The following CYP26B1 variants were observed in gnomAD, a reference collection of about 807,000 sequenced individuals.
CYP26B1 encodes cytochrome P450 26B1.
Under a neutral mutation model 39.1 loss-of-function variants are expected in CYP26B1, and 8 were observed. The observed-to-expected ratio is 0.20, with a 90% confidence interval of 0.12 to 0.37. CYP26B1 has a LOEUF of 0.37. Among genes scored for constraint, CYP26B1 ranks in the 10% least tolerant of loss-of-function variants. The probability of loss-of-function intolerance (pLI) is 1.00; values close to 1 mark genes in which losing one functional copy is unlikely to be tolerated. For missense variants in CYP26B1, 615 were observed against 707.0 expected, an observed-to-expected ratio of 0.87 and a Z score of 1.48; for synonymous variants, 321 against 314.3, an observed-to-expected ratio of 1.02 and a Z score of -0.23.
rs115973980 is a variant in CYP26B1 at position 72,129,706 on chromosome 2, C to T, written c.*2521G>A. ...GAACACAAACGCCAGCGCCCAACATCGAAAGTGCTTCAATCTGCAAGCCCG... is the reference window on the plus strand; with the variant it reads ...GAACACAAACGCCAGCGCCCAACATTGAAAGTGCTTCAATCTGCAAGCCCG... On this transcript the variant is annotated 3_prime_UTR_variant, in exon 6 of 6. Transcript: ENST00000001146. 54 of 152,430 alleles carry T rather than the reference C, an allele frequency of 3.5e-4. No individual in the cohort carries two copies. The highest frequency in any genetic ancestry group is 1.2e-3 in the African/African-American group (50 of 41,482). 9.4% of individuals were successfully genotyped at this position (152,430 alleles called of 1,614,324 possible).
At position 72,144,154 on chromosome 2, in the gene CYP26B1, C is replaced by A; in HGVS notation, c.264G>T (p.Leu88Phe). ...EKYGNVFKTH[L>F]LGRPLIRVTG... ...TCACGCGTATCAGCGGCCGCCCCAA[C>A]AAATGCGTCTTGAACACGTTGCCAT... Residue 88 changes from leucine to phenylalanine, a missense_variant, in exon 2 of 6, where the codon TTG (leucine) becomes TTT (phenylalanine). Physicochemically the swap from Leu to Phe is conservative, Grantham distance 22. Coordinates refer to ENST00000001146, the MANE Select transcript of CYP26B1 (RefSeq NM_019885.4). 1 of 1,611,292 alleles carries A rather than the reference C, an allele frequency of 6.2e-7. No homozygotes were observed. Among genetic ancestry groups the A allele is most frequent in the Non-Finnish European group, 8.5e-7 (1 of 1,177,698 alleles).
intron 1 of CYP26B1, among the ~76,000 whole-genome samples, chr2:72,146,909 G>A (rs1352350372): frequency 5.3e-5 from 8 of 152,114 alleles, no homozygotes; most frequent in Non-Finnish European, 1.2e-4. Flanking sequence ...CATCTAACAA[G>A]CACACACGCA....
chr2:72,135,019 C>T, intron 3 of CYP26B1, 103 bp from the exon 4 acceptor site: 3 of 1,600,024 alleles, frequency 1.9e-6, no homozygotes, highest in Non-Finnish European at 2.5e-6. Flanking sequence ...ACGCTGACAC[C>T]TCTCCCCTTT....
At position 72,144,136 on chromosome 2, in the gene CYP26B1, T is replaced by C. The variant is rs1677044569; in HGVS notation, c.282A>G (p.Ile94Met). The C allele has an allele frequency of 6.2e-7, 1 of 1,611,104 alleles. No homozygotes were observed. ...GCACGTTCTCCGCGCCGGTCACGCG[T>C]ATCAGCGGCCGCCCCAACAAATGCG... ...FKTHLLGRPL[I>M]RVTGAENVRK... Residue 94 changes from isoleucine (I) to methionine (M), a missense_variant, in exon 2 of 6, where the codon ATA becomes ATG. By Grantham distance (10) the Ile-to-Met change is conservative. Transcript: ENST00000001146.
chr2:72,132,865 G>A (rs1026105256), intron 5 of CYP26B1, among the ~76,000 whole-genome samples, 158 bp downstream of exon 5: 1 of 152,236 alleles, frequency 6.6e-6, no homozygotes, highest in Admixed American at 6.5e-5. Context: ...TGATGCATTT[G>A]GGGCGCACTT....
Position 72,129,373 on chromosome 2 carries a change from A to G in CYP26B1, c.*2854T>C, listed in dbSNP as rs1676483592. On this transcript the variant is annotated 3_prime_UTR_variant, in exon 6 of 6. Transcript: ENST00000001146. ...ATACAGATTAAAACCACGACAGCAA[A>G]AACACTCACACGGTACCAGTTTCAT... The G allele has an allele frequency of 6.6e-6, 1 of 152,640 alleles. No homozygotes were observed. The highest frequency in any genetic ancestry group is 1.5e-5 in the Non-Finnish European group (1 of 68,040). The allele number at this position is 152,640 out of a possible 1,614,324, so 9.5% of individuals were successfully genotyped here. A position where few individuals can be genotyped will look rare whatever the true frequency, so the allele number is the denominator to read the frequency against.
intron 2 of CYP26B1, 113 bp from the exon 3 acceptor site, chr2:72,135,532 A>G (rs1676746251): frequency 6.8e-6 from 10 of 1,473,690 alleles, no homozygotes; most frequent in Non-Finnish European, 9.3e-6. Context: ...CTTCCACACA[A>G]CAGCAAAGCC....
Position 72,132,272 on chromosome 2 carries a change from G to T in CYP26B1, c.1494C>A (p.Asn498Lys), listed in dbSNP as rs140097862. The T allele has an allele frequency of 3.7e-6, 6 of 1,604,984 alleles. No homozygotes were observed. Among genetic ancestry groups the T allele is most frequent in the Non-Finnish European group, 8.5e-7 (1 of 1,176,208 alleles). Residue 498 changes from asparagine to lysine, a missense_variant, in exon 6 of 6, where the codon AAC becomes AAA. Coordinates refer to ENST00000001146, the MANE Select transcript of CYP26B1 (RefSeq NM_019885.4). The stretch of plus-strand genomic sequence containing the variant: ...TGGCCTCCGTCTCCGGCAGGATCTC[G>T]TTCTGGTTGGAGTCCAGGCCAAAGA... ...VKFFGLDSNQNEILPETEAML... is the reference protein window; with the variant it reads ...VKFFGLDSNQKEILPETEAML...
chr2:72,133,852 C>G (rs534939707), intron 4 of CYP26B1, among the ~76,000 whole-genome samples: 8 of 152,230 alleles, frequency 5.3e-5, no homozygotes, highest in African/African-American at 1.2e-4. Flanking sequence ...TGGGATGAGG[C>G]TGAGGGAAGG....
chr2:72,142,415 G>A (rs1572929278), intron 2 of CYP26B1, among the ~76,000 whole-genome samples: 1 of 152,224 alleles, frequency 6.6e-6, no homozygotes, highest in Non-Finnish European at 1.5e-5. Context: ...GGGGCCCAGA[G>A]ACTATTCCCA....
chr2:72,136,494 G>A (rs775507315), intron 2 of CYP26B1, among the ~76,000 whole-genome samples: 1 of 152,246 alleles, frequency 6.6e-6, no homozygotes, highest in Non-Finnish European at 1.5e-5. Flanking sequence ...GCCCTTCAGT[G>A]GCCCAGCCAG....
intron 2 of CYP26B1, among the ~76,000 whole-genome samples, chr2:72,136,174 G>A (rs897865909): frequency 7.9e-5 from 12 of 152,104 alleles, no homozygotes; most frequent in African/African-American, 2.4e-4. Context: ...AAAAGCCTGT[G>A]GGTCTCGCTC....
intron 2 of CYP26B1, among the ~76,000 whole-genome samples, chr2:72,136,113 C>T (rs1043346749): frequency 2.6e-5 from 4 of 152,200 alleles, no homozygotes; most frequent in African/African-American, 4.8e-5. Flanking sequence ...AGGACTCCCC[C>T]GCACAGGTTT....
At chr2:72,144,393 G>C (rs1319971035) in intron 1 of CYP26B1, 180 bp from the exon 2 acceptor site, 1 of 1,418,670 alleles carries the variant, frequency 7.0e-7, no homozygotes, top group Non-Finnish European at 9.2e-7. Flanking sequence ...GCGAAGTAGG[G>C]CCTAGAGGAT....
rs1000665068 is a variant in CYP26B1, at chr2:72,145,710, C to A, written c.205-1497G>T. On this transcript the variant is annotated intron_variant, in intron 1 of 5. Transcript: ENST00000001146. ...GAGGTCGCCGCCGCCTCGCCCCCAC[C>A]CCCCGCCTCTGATCTGCCTAACTAT... 2.6e-5 allele frequency among the ~76,000 whole-genome samples: 4 copies of A among 152,202 alleles called. No homozygotes were observed. The East Asian group carries it at 7.7e-4, about 29-fold the overall frequency.
At chr2:72,140,037 C>A (rs1407816946) in intron 2 of CYP26B1, among the ~76,000 whole-genome samples, 1 of 152,216 alleles carries the variant, frequency 6.6e-6, no homozygotes, top group Non-Finnish European at 1.5e-5. Flanking sequence ...GATACAGCAG[C>A]CAGCATGGGG....
chr2:72,139,469 C>T (rs1160356203), intron 2 of CYP26B1, among the ~76,000 whole-genome samples: 4 of 152,144 alleles, frequency 2.6e-5, no homozygotes, highest in Non-Finnish European at 5.9e-5. Flanking sequence ...ACACTCAGCC[C>T]CTCTGGTTGC....
chr2:72,144,378 GA>G, intron 1 of CYP26B1, 165 bp from the exon 2 acceptor site: 1 of 1,435,334 alleles, frequency 7.0e-7, no homozygotes, highest in Non-Finnish European at 9.1e-7. Context: ...GCGTGCACAA[GA>G]ACTGCGAAGT....
At position 72,134,858 on chromosome 2, in the gene CYP26B1, A is replaced by G; in HGVS notation, c.764T>C (p.Leu255Pro). 6.2e-7 allele frequency: 1 copy of G among 1,614,156 alleles called. No individual in the cohort carries two copies. Among genetic ancestry groups the G allele is most frequent in the Non-Finnish European group, 8.5e-7 (1 of 1,180,020 alleles). ...GTAGTCCTTGCCCTGTGTGCACTGC[A>G]GCTTCTCCCGGATGGCCTTCTCCAG... ...KGLEKAIREK[L>P]QCTQGKDYLD... is the part of the protein sequence containing the mutation. Residue 255 changes from leucine (L) to proline (P), a missense_variant, in exon 4 of 6, where the codon CTG becomes CCG. Physicochemically the swap from Leu to Pro is moderately conservative, Grantham distance 98 (BLOSUM62 -3). Transcript: ENST00000001146.
Sources: allele counts gnomAD v4.1 joint callset (sites outside exome capture counted in the v4.1 genomes callset), GRCh38; gene constraint gnomAD v4.1.1; transcripts MANE v1.5; gene names NCBI Gene and HGNC (gene_info 2026-07-23, HGNC 2026-07-21).